EFCAB8: variants seen among roughly 807,000 people sequenced by gnomAD.
EFCAB8 encodes the protein EF-hand calcium binding domain 8, also known as EF-hand calcium-binding domain-containing protein 8.
Under a neutral mutation model 116.3 loss-of-function variants are expected in EFCAB8, and 100 were observed. That is an observed-to-expected ratio of 0.86 (90% confidence interval 0.73 to 1.02). The LOEUF is 1.02. Ranked by LOEUF, EFCAB8 falls within the 50% of genes least tolerant of loss-of-function variation. EFCAB8 has a pLI of 0.00. For missense variants in EFCAB8, 1,320 were observed against 1,416.9 expected (o/e 0.93, Z 1.10); for synonymous variants, 558 against 567.9 (o/e 0.98, Z 0.25).
At chr20:32,861,479 G>A (rs1050703101) in intron 1 of EFCAB8, among the ~76,000 whole-genome samples, 4 of 152,106 alleles carry the variant, frequency 2.6e-5, no homozygotes, top group Non-Finnish European at 5.9e-5. Context: ...AGTGGAGATG[G>A]GATTTCTCCA....
intron 20 of EFCAB8, among the ~76,000 whole-genome samples, chr20:32,924,329 G>T (rs1328254421): frequency 1.3e-5 from 2 of 152,184 alleles, no homozygotes; most frequent in African/African-American, 4.8e-5. Context: ...CTCCCAAAGT[G>T]CTGGGATTAC....
intron 10 of EFCAB8, among the ~76,000 whole-genome samples, chr20:32,897,922 A>C (rs1568916975): frequency 6.6e-6 from 1 of 152,110 alleles, no homozygotes; most frequent in African/African-American, 2.4e-5. Context: ...CAGAGAGGAA[A>C]ATCTCTAGAT....
intron 6 of EFCAB8, among the ~76,000 whole-genome samples, chr20:32,888,645 T>C (rs546649376): frequency 7.0e-4 from 106 of 152,356 alleles, no homozygotes; most frequent in Middle Eastern, 3.4e-3. Context: ...CGTGAGCCAC[T>C]GTGCCCTTTT....
chr20:32,903,194 T>G (rs968998533), intron 11 of EFCAB8, among the ~76,000 whole-genome samples: 2 of 152,184 alleles, frequency 1.3e-5, no homozygotes, highest in Non-Finnish European at 2.9e-5. Context: ...GCCCACCTGG[T>G]GCCCACCACA....
chr20:32,922,854 T>C (rs1405612137), intron 20 of EFCAB8, among the ~76,000 whole-genome samples: 1 of 152,108 alleles, frequency 6.6e-6, no homozygotes, highest in Non-Finnish European at 1.5e-5. Context: ...ACTTTCTTCC[T>C]CTAATTAGAA....
chr20:32,941,811 T>G (rs1224549888), intron 22 of EFCAB8, among the ~76,000 whole-genome samples: 2 of 152,222 alleles, frequency 1.3e-5, no homozygotes, highest in African/African-American at 2.4e-5. Flanking sequence ...CTGAAAATAC[T>G]AAAAACCATT....
chr20:32,879,331 C>T lies in EFCAB8; in HGVS notation c.431+524C>T, dbSNP rs1373061869. Among the ~76,000 whole-genome samples, 3 of 152,338 alleles carry T rather than the reference C, an allele frequency of 2.0e-5. No homozygotes were observed. In the East Asian group the frequency reaches 5.8e-4, roughly 29 times the overall value. The stretch of plus-strand genomic sequence containing the variant: ...CCGGGAGTAGGTCCCTCTGTTACTC[C>T]TGGAGCTGGTGGCACCACCCTGCCT... On this transcript the variant is annotated intron_variant, in intron 5 of 26. Transcript: ENST00000400522.
intron 24 of EFCAB8, among the ~76,000 whole-genome samples, chr20:32,959,014 G>T (rs868133627): frequency 7.2e-5 from 11 of 152,300 alleles, no homozygotes; most frequent in South Asian, 2.1e-4. Context: ...CCCCCTGCAG[G>T]TTCATCTCCT....
intron 7 of EFCAB8, among the ~76,000 whole-genome samples, chr20:32,889,849 A>G (rs1210525313): frequency 6.6e-6 from 1 of 151,996 alleles, no homozygotes; most frequent in African/African-American, 2.4e-5. Context: ...TAAAAATACA[A>G]AAGTTACCTG....
chr20:32,939,912 C>T (rs574253680), intron 22 of EFCAB8, among the ~76,000 whole-genome samples: 1 of 147,490 alleles, frequency 6.8e-6, no homozygotes, highest in South Asian at 2.1e-4. Flanking sequence ...CCAAGCTGGT[C>T]TCGAACTCCT....
rs1389197277 is a variant in EFCAB8, at chr20:32,917,388, C to A, written c.1944C>A (p.Asn648Lys). 2.6e-6 allele frequency: 4 copies of A among 1,551,914 alleles called. No homozygotes were observed. In the Admixed American group the frequency reaches 7.8e-5, roughly 30 times the overall value. The change falls in exon 18 of 27, where the codon AAC becomes AAA. Residue 648 changes from asparagine to lysine, a missense_variant. Transcript: ENST00000400522. ...EDILSMAKYRNQFLGTSSYSG... is the reference protein window; with the variant it reads ...EDILSMAKYRKQFLGTSSYSG... ...TCCTGAGCATGGCCAAGTACCGGAACCAGTTCCTTGGGACCTCCTCCTACA... is the reference window on the plus strand; with the variant it reads ...TCCTGAGCATGGCCAAGTACCGGAAACAGTTCCTTGGGACCTCCTCCTACA...
intron 11 of EFCAB8, among the ~76,000 whole-genome samples, chr20:32,899,311 A>T (rs2146223404): frequency 6.7e-6 from 1 of 150,022 alleles, no homozygotes; most frequent in East Asian, 2.0e-4. Context: ...AGGCTGAGGC[A>T]GGAGAATGGT....
At chr20:32,959,729 C>A in intron 24 of EFCAB8, 49 bp from the exon 25 acceptor site, 7 of 1,382,852 alleles carry the variant, frequency 5.1e-6, no homozygotes, top group Non-Finnish European at 3.9e-6. Context: ...GGAGGGTCAC[C>A]CTGCTTTGCA....
intron 4 of EFCAB8, among the ~76,000 whole-genome samples, chr20:32,877,207 C>CTTTTTTTTTTTT (rs757130907): frequency 5.6e-4 from 65 of 115,046 alleles, no homozygotes; most frequent in Non-Finnish European, 1.0e-3. Context: ...TTATTTCTTT[C>CTTTTTTTTTTTT]TTTTTTTTTT....
Position 32,906,898 on chromosome 20 carries a change from G to A in EFCAB8, c.1212G>A (p.Arg404=). Residue 404 remains arginine (R), a synonymous_variant, in exon 13 of 27, where the codon AGG becomes AGA. Transcript: ENST00000400522. ...IRLWNPFVSK[R]PVWLMKGHQT... is the part of the protein sequence containing the mutation. Reference sequence around the variant, plus strand: ...TGTGGAACCCCTTTGTCTCAAAGAGGCCCGTGTGGCTGATGAAGGGACACC... The same window carrying A: ...TGTGGAACCCCTTTGTCTCAAAGAGACCCGTGTGGCTGATGAAGGGACACC... The A allele has an allele frequency of 6.4e-7, 1 of 1,551,408 alleles. No individual in the cohort carries two copies. Among genetic ancestry groups the A allele is most frequent in the East Asian group, 2.4e-5 (1 of 40,910 alleles).
intron 1 of EFCAB8, among the ~76,000 whole-genome samples, chr20:32,860,353 TG>T (rs1211847676): frequency 3.9e-5 from 6 of 152,014 alleles, no homozygotes; most frequent in Non-Finnish European, 8.8e-5. Flanking sequence ...TCCTGTAATG[TG>T]GGTTTGTCTG....
chr20:32,885,677 G>C (rs6119300), intron 6 of EFCAB8, 37 bp downstream of exon 6: 1,019,828 of 1,546,502 alleles, frequency 0.66, 342,941 homozygotes, highest in Middle Eastern at 0.71. Flanking sequence ...ACACATGGGT[G>C]ATTGGAGAGC....
At chr20:32,881,217 A>G (rs1215742336) in intron 5 of EFCAB8, among the ~76,000 whole-genome samples, 3 of 151,904 alleles carry the variant, frequency 2.0e-5, no homozygotes, top group Admixed American at 6.6e-5. Flanking sequence ...CTTTTTTGAG[A>G]TGGAGTTTTG....
intron 5 of EFCAB8, among the ~76,000 whole-genome samples, chr20:32,882,330 G>T (rs1347573680): frequency 6.6e-6 from 1 of 152,152 alleles, no homozygotes; most frequent in African/African-American, 2.4e-5. Flanking sequence ...TGTAAACCCA[G>T]CATTTCCTCG....
Sources: gnomAD v4.1 joint callset for allele counts (sites outside exome capture counted in the v4.1 genomes callset) on GRCh38, gnomAD v4.1.1 for gene constraint, MANE v1.5 for transcripts, NCBI Gene and HGNC (gene_info 2026-07-23, HGNC 2026-07-21) for gene names.